The following CNIH3 variants were observed in gnomAD, a reference collection of about 807,000 sequenced individuals.
CNIH3 encodes protein cornichon homolog 3.
Under a neutral mutation model 24.1 loss-of-function variants are expected in CNIH3, and 14 were observed. The observed-to-expected ratio is 0.58, with a 90% CI of 0.38 to 0.91. The LOEUF is 0.91. Ranked by LOEUF, CNIH3 falls within the 40% of genes least tolerant of loss-of-function variation. The probability of loss-of-function intolerance (pLI) is 0.00; values close to 1 mark genes in which losing one functional copy is unlikely to be tolerated. For missense variants in CNIH3, 178 were observed against 196.8 expected, an observed-to-expected ratio of 0.90 and a Z score of 0.57; for synonymous variants, 68 against 73.8, an observed-to-expected ratio of 0.92 and a Z score of 0.40.
At chr1:224,551,883 A>G (rs940055671) in intron 3 of CNIH3, among the ~76,000 whole-genome samples, 2 of 151,320 alleles carry the variant, frequency 1.3e-5, no homozygotes, top group African/African-American at 4.8e-5. Context: ...ATTATTTGTA[A>G]TATCTAAGGG....
chr1:224,702,872 G>A (rs1318751168), intron 3 of CNIH3, among the ~76,000 whole-genome samples: 2 of 151,864 alleles, frequency 1.3e-5, no homozygotes, highest in Admixed American at 6.6e-5. Flanking sequence ...CCCACTCCTC[G>A]GGCCCTGTCC....
chr1:224,621,797 T>C (rs1425214180), intron 1 of CNIH3, among the ~76,000 whole-genome samples: 1 of 152,250 alleles, frequency 6.6e-6, no homozygotes, highest in Non-Finnish European at 1.5e-5. Flanking sequence ...GTTGACATAG[T>C]GATATGTTTT....
intron 3 of CNIH3, among the ~76,000 whole-genome samples, chr1:224,562,652 CCCTT>C (rs1680419496): frequency 6.6e-6 from 1 of 152,098 alleles, no homozygotes; most frequent in South Asian, 2.1e-4. Context: ...TGGCTTGGTG[CCCTT>C]CCCATCCTAA....
At chr1:224,683,671 G>A (rs764611510) in intron 2 of CNIH3, among the ~76,000 whole-genome samples, 23 of 152,306 alleles carry the variant, frequency 1.5e-4, no homozygotes, top group Admixed American at 6.5e-4. Context: ...AGGAATGCTC[G>A]GTTTTACTCC....
intron 3 of CNIH3, among the ~76,000 whole-genome samples, chr1:224,554,090 A>C (rs1395059855): frequency 6.6e-6 from 1 of 152,196 alleles, no homozygotes; most frequent in African/African-American, 2.4e-5. Flanking sequence ...AGTAAGGGGC[A>C]CCATTCTGAA....
chr1:224,736,764 A>AGT (rs2125250225), intron 5 of CNIH3, among the ~76,000 whole-genome samples: 1 of 152,276 alleles, frequency 6.6e-6, no homozygotes, highest in South Asian at 2.1e-4. Flanking sequence ...TACGGTGCCC[A>AGT]GTGGGTTCAC....
chr1:224,443,694 T>TAG (rs1558461605), intron 1 of CNIH3, among the ~76,000 whole-genome samples: 3 of 142,414 alleles, frequency 2.1e-5, no homozygotes, highest in African/African-American at 5.0e-5. Flanking sequence ...TATCTATAGA[T>TAG]ATAGATATAT....
chr1:224,459,590 T>C (rs927234395), intron 1 of CNIH3, among the ~76,000 whole-genome samples: 4 of 152,138 alleles, frequency 2.6e-5, no homozygotes, highest in African/African-American at 7.2e-5. Context: ...TTAGAATTAT[T>C]GAATTTGAAG....
chr1:224,641,399 T>A (rs1684354839), intron 1 of CNIH3, among the ~76,000 whole-genome samples: 1 of 152,198 alleles, frequency 6.6e-6, no homozygotes, highest in African/African-American at 2.4e-5. Context: ...TTCCCCACTT[T>A]TATTCACGGA....
chr1:224,582,833 G>A (rs751204053), intron 4 of CNIH3, among the ~76,000 whole-genome samples: 20 of 152,108 alleles, frequency 1.3e-4, no homozygotes, highest in Admixed American at 3.9e-4. Context: ...AATAATAGAG[G>A]GGAAAAAGAA....
At chr1:224,456,280 G>A (rs1473068100) in intron 1 of CNIH3, among the ~76,000 whole-genome samples, 1 of 152,200 alleles carries the variant, frequency 6.6e-6, no homozygotes, top group Non-Finnish European at 1.5e-5. Context: ...TCCACAAAAA[G>A]CTCCAGTGTG....
chr1:224,685,686 G>C (rs1397860242), intron 3 of CNIH3, among the ~76,000 whole-genome samples: 2 of 152,140 alleles, frequency 1.3e-5, no homozygotes, highest in Non-Finnish European at 2.9e-5. Context: ...TGATAGAAGG[G>C]GAAAATACTT....
intron 1 of CNIH3, among the ~76,000 whole-genome samples, chr1:224,487,422 C>T (rs564307990): frequency 6.6e-6 from 1 of 152,300 alleles, no homozygotes; most frequent in African/African-American, 2.4e-5. Context: ...CTCTCTCTCA[C>T]ACACACATAT....
At chr1:224,591,848 T>C (rs978335379), downstream of CNIH3, among the ~76,000 whole-genome samples, 8 of 152,160 alleles carry the variant, frequency 5.3e-5, no homozygotes, top group African/African-American at 1.9e-4. Flanking sequence ...ATTTTCTCAT[T>C]GGTAAAATAG....
intron 1 of CNIH3, among the ~76,000 whole-genome samples, chr1:224,481,081 G>A (rs1676790275): frequency 1.3e-5 from 2 of 152,258 alleles, no homozygotes; most frequent in African/African-American, 2.4e-5. Context: ...CGCAGAAGGC[G>A]AGGAGCAGCA....
chr1:224,652,135 G>A lies in CNIH3; in HGVS notation c.82-28823G>A, dbSNP rs570329255. On this transcript the variant is annotated intron_variant, in intron 1 of 5. Transcript: ENST00000272133. ...AGCAGGAATATTGGCCTGGGATTTC[G>A]ACCTGGGATTTCTGGGTTTTGAGGG... Among the ~76,000 whole-genome samples, 20 of 152,168 alleles carry A rather than the reference G, an allele frequency of 1.3e-4. No homozygotes were observed. The East Asian group carries it at 3.7e-3, about 28-fold the overall frequency.
At chr1:224,620,611 G>A (rs998442495) in intron 1 of CNIH3, among the ~76,000 whole-genome samples, 1 of 152,016 alleles carries the variant, frequency 6.6e-6, no homozygotes, top group African/African-American at 2.4e-5. Context: ...AATGATACAG[G>A]TTCCTTGTCC....
intron 1 of CNIH3, among the ~76,000 whole-genome samples, chr1:224,649,680 G>A (rs1572656611): frequency 6.6e-6 from 1 of 152,106 alleles, no homozygotes; most frequent in South Asian, 2.1e-4. Flanking sequence ...GGAAAACTTT[G>A]CCCGAGGAAA....
exon 1 of CNIH3, chr1:224,434,761 C>T: frequency 1.0e-6 from 1 of 986,528 alleles, no homozygotes; most frequent in Non-Finnish European, 1.2e-6. Flanking sequence ...CGCTCTGCTC[C>T]CTGGTGTGTT....
Sources: allele counts gnomAD v4.1 joint callset (sites outside exome capture counted in the v4.1 genomes callset), GRCh38; gene constraint gnomAD v4.1.1; transcripts MANE v1.5; gene names NCBI Gene and HGNC (gene_info 2026-07-23, HGNC 2026-07-21).